Variants in CUX1 observed in about 807,000 individuals in gnomAD.
CUX1 encodes protein CASP.
CUX1 carries 31 observed loss-of-function variants against 158.8 expected under a neutral mutation model. The ratio of observed to expected loss-of-function variants is 0.20; its 90% CI spans 0.15 to 0.26. The LOEUF (loss-of-function observed/expected upper bound fraction) is 0.26, where lower values mean the gene tolerates loss of function less well. CUX1 is among the 10% of genes least tolerant of loss of function. CUX1 has a pLI of 1.00. For missense variants in CUX1, 1,589 were observed against 2,014.6 expected, an observed-to-expected ratio of 0.79 and a Z score of 4.04; for synonymous variants, 879 against 862.1, an observed-to-expected ratio of 1.02 and a Z score of -0.34.
chr7:102,191,984 A>G (rs893482779), intron 12 of CUX1, among the ~76,000 whole-genome samples: 2 of 152,106 alleles, frequency 1.3e-5, no homozygotes, highest in Non-Finnish European at 1.5e-5. Context: ...CATTTCTGCT[A>G]ACTCTTTCTG....
chr7:102,270,116 G>A (rs374411014), intron 14 of CUX1, among the ~76,000 whole-genome samples: 10 of 152,322 alleles, frequency 6.6e-5, no homozygotes, highest in Non-Finnish European at 1.2e-4. Flanking sequence ...AGAACTTGCC[G>A]AAGATCGTGA....
At chr7:101,898,543 G>T (rs536478949) in intron 1 of CUX1, among the ~76,000 whole-genome samples, 17 of 150,650 alleles carry the variant, frequency 1.1e-4, no homozygotes, top group Admixed American at 2.0e-4. Flanking sequence ...GCTGCTTCAG[G>T]ATTCCTTCAG....
chr7:102,123,384 C>T (rs1832267395), intron 8 of CUX1, among the ~76,000 whole-genome samples: 1 of 151,676 alleles, frequency 6.6e-6, no homozygotes, highest in Admixed American at 6.6e-5. Context: ...CCGAGGCGGG[C>T]GAATCATGAG....
At chr7:102,114,509 T>C (rs1174074987) in intron 7 of CUX1, among the ~76,000 whole-genome samples, 1 of 152,218 alleles carries the variant, frequency 6.6e-6, no homozygotes, top group Non-Finnish European at 1.5e-5. Context: ...ACTCCTGACC[T>C]CAGGTGATCT....
intron 1 of CUX1, among the ~76,000 whole-genome samples, chr7:101,897,517 T>A (rs962654029): frequency 2.0e-5 from 3 of 151,086 alleles, no homozygotes; most frequent in African/African-American, 7.3e-5. Context: ...AAAAAAATAA[T>A]AATAATAAAA....
intron 8 of CUX1, among the ~76,000 whole-genome samples, chr7:102,124,235 C>T (rs1243597041): frequency 1.3e-5 from 2 of 152,228 alleles, no homozygotes; most frequent in African/African-American, 4.8e-5. Flanking sequence ...CCCCTTCCTG[C>T]ATCCCAAAAT....
intron 3 of CUX1, among the ~76,000 whole-genome samples, chr7:102,060,426 T>C (rs1824667050): frequency 6.6e-6 from 1 of 152,080 alleles, no homozygotes; most frequent in Non-Finnish European, 1.5e-5. Flanking sequence ...GTTAGTGCTG[T>C]TGACCCGGTT....
intron 1 of CUX1, among the ~76,000 whole-genome samples, chr7:101,857,996 A>G (rs1253979254): frequency 6.6e-6 from 1 of 152,088 alleles, no homozygotes. Context: ...GGTGGCACGC[A>G]CCTGTACTCC....
intron 20 of CUX1, among the ~76,000 whole-genome samples, chr7:102,205,886 C>A (rs1366915075): frequency 2.6e-5 from 4 of 152,138 alleles, no homozygotes; most frequent in Non-Finnish European, 4.4e-5. Context: ...TCTGCGCCCC[C>A]CCGCCTCCCT....
chr7:101,889,822 A>C (rs972884031), intron 1 of CUX1, among the ~76,000 whole-genome samples: 1 of 152,226 alleles, frequency 6.6e-6, no homozygotes, highest in Non-Finnish European at 1.5e-5. Context: ...AGTGTTCAGG[A>C]AGTAATTTCC....
intron 8 of CUX1, among the ~76,000 whole-genome samples, chr7:102,126,982 A>G (rs1318464751): frequency 6.6e-6 from 1 of 152,192 alleles, no homozygotes; most frequent in Non-Finnish European, 1.5e-5. Flanking sequence ...GATCCCTCGC[A>G]TGCGCAGTTC....
At chr7:102,170,010 T>G (rs782266519) in intron 9 of CUX1, among the ~76,000 whole-genome samples, 2 of 152,236 alleles carry the variant, frequency 1.3e-5, no homozygotes, top group Non-Finnish European at 2.9e-5. Context: ...CAACATTGTT[T>G]GTGCGTGTTT....
chr7:102,082,182 T>C (rs1202887434), intron 4 of CUX1, among the ~76,000 whole-genome samples: 1 of 147,056 alleles, frequency 6.8e-6, no homozygotes, highest in African/African-American at 2.4e-5. Context: ...CAGACGGGTC[T>C]ACGTCAGTGG....
At chr7:102,090,604 G>A (rs1227403167) in intron 4 of CUX1, among the ~76,000 whole-genome samples, 6 of 151,470 alleles carry the variant, frequency 4.0e-5, no homozygotes, top group East Asian at 3.9e-4. Context: ...TAGCCAGGAC[G>A]GTCTCGATCT....
chr7:102,006,161 C>T (rs927503706), intron 2 of CUX1, among the ~76,000 whole-genome samples: 1 of 152,074 alleles, frequency 6.6e-6, no homozygotes, highest in Non-Finnish European at 1.5e-5. Flanking sequence ...TCCTTTTAAC[C>T]CGGGAGTAAA....
intron 14 of CUX1, among the ~76,000 whole-genome samples, chr7:102,196,137 G>A (rs1159900246): frequency 6.6e-6 from 1 of 152,266 alleles, no homozygotes; most frequent in Non-Finnish European, 1.5e-5. Flanking sequence ...ACGCGTACAG[G>A]TGTCTCGGGC....
At chr7:102,067,717 TA>T (rs1825702027) in intron 3 of CUX1, among the ~76,000 whole-genome samples, 1 of 151,922 alleles carries the variant, frequency 6.6e-6, no homozygotes, top group Non-Finnish European at 1.5e-5. Context: ...GGGGTTATTT[TA>T]AAAACAAGGC....
chr7:101,817,344 A>C (rs1337905906), upstream of CUX1: 1 of 983,418 alleles, frequency 1.0e-6, no homozygotes, highest in Admixed American at 6.2e-5. This position sits in a 1 kb window ranked among gnomAD's most constrained non-coding sequence, Gnocchi z 4.1. Flanking sequence ...CCCGCCATGG[A>C]GCGCGCGGCG....
downstream of CUX1, among the ~76,000 whole-genome samples, chr7:102,262,759 C>T (rs956638294): frequency 9.8e-5 from 15 of 152,296 alleles, no homozygotes; most frequent in East Asian, 2.3e-3. Context: ...GTGGGAATCC[C>T]GGTGCAACTT....
Sources: allele counts gnomAD v4.1 joint callset (sites outside exome capture counted in the v4.1 genomes callset), GRCh38; gene constraint gnomAD v4.1.1; non-coding constraint Gnocchi (gnomAD v3.1); transcripts MANE v1.5; gene names NCBI Gene and HGNC (gene_info 2026-07-23, HGNC 2026-07-21).